Variants in EFS observed in about 807,000 individuals in gnomAD.
The protein encoded by EFS is Cas scaffolding protein family member 3.
A neutral mutation model predicts 42.2 loss-of-function variants in EFS; 34 were observed. The ratio of observed to expected loss-of-function variants is 0.81; its 90% CI spans 0.61 to 1.07. The LOEUF is 1.07. Among genes scored for constraint, EFS ranks in the 50% least tolerant of loss-of-function variants. The pLI is 0.00. For synonymous variants in EFS, 299 were observed against 320.7 expected, an observed-to-expected ratio of 0.93 and a Z score of 0.72; for missense variants, 717 against 729.4, an observed-to-expected ratio of 0.98 and a Z score of 0.20.
rs770687956 is a variant in EFS, at chr14:23,360,787, T to A, written c.65A>T (p.Gln22Leu). The change falls in exon 2 of 6, where the codon CAG becomes CTG. Residue 22 changes from glutamine (Q) to leucine (L), a missense_variant. Physicochemically the swap from Gln to Leu is moderately radical, Grantham distance 113. Coordinates refer to ENST00000216733, the MANE Select transcript of EFS (RefSeq NM_005864.4). The stretch of plus-strand genomic sequence containing the variant: ...ATCCCCTCGGCGGAAGGACAGCTCC[T>A]GGGGGGACTCAGCGGTGTTGTCATA... ...ALYDNTAESP[Q>L]ELSFRRGDVL... 2 of 1,613,698 alleles carry A rather than the reference T, an allele frequency of 1.2e-6. No homozygotes were observed. The highest frequency in any genetic ancestry group is 2.2e-5 in the South Asian group (2 of 91,044).
At chr14:23,364,574 C>T (rs1280983976) in intron 1 of EFS, among the ~76,000 whole-genome samples, 1 of 152,136 alleles carries the variant, frequency 6.6e-6, no homozygotes, top group Non-Finnish European at 1.5e-5. Flanking sequence ...CGAGATGGGC[C>T]TCCTGGGGTC....
At chr14:23,361,834 G>A (rs545664993) in intron 1 of EFS, among the ~76,000 whole-genome samples, 85 of 152,290 alleles carry the variant, frequency 5.6e-4, no homozygotes, top group African/African-American at 1.9e-3. Flanking sequence ...ACAACCTTAC[G>A]AGGGAGGGAC....
At chr14:23,363,071 G>A (rs1196259706) in intron 1 of EFS, among the ~76,000 whole-genome samples, 2 of 151,786 alleles carry the variant, frequency 1.3e-5, no homozygotes, top group Admixed American at 6.6e-5. Context: ...CCACCACCAC[G>A]CCCGGCTAAT....
At chr14:23,357,784 G>A (rs921209422) in intron 5 of EFS, 124 bp from the exon 6 acceptor site, 17 of 805,966 alleles carry the variant, frequency 2.1e-5, no homozygotes, top group African/African-American at 5.3e-5. Flanking sequence ...TCTGCCCATC[G>A]GAAAGTTTAG....
Position 23,365,094 on chromosome 14 carries a change from C to T in EFS, c.-69G>A. ...TTGCTGACTTCAGCGGTGGCTGCCC[C>T]GCACCATGGTCCGCGGCCTCTAGCC... On this transcript the variant is annotated 5_prime_UTR_variant, in exon 1 of 6. Coordinates refer to ENST00000216733, the MANE Select transcript of EFS (RefSeq NM_005864.4). The surrounding 1 kb of genome is among the most constrained non-coding windows in gnomAD (Gnocchi z 5.3). The T allele has an allele frequency of 8.0e-7, 1 of 1,251,194 alleles. No homozygotes were observed. Among genetic ancestry groups the T allele is most frequent in the South Asian group, 3.6e-5 (1 of 27,696 alleles). 77.5% of individuals were successfully genotyped at this position (1,251,194 alleles called of 1,614,324 possible).
rs780635865 is a variant in EFS, at chr14:23,357,510, GC to G, written c.1401del (p.Arg468AlafsTer33). The G allele has an allele frequency of 1.9e-6, 3 of 1,613,940 alleles. No homozygotes were observed. Among genetic ancestry groups the G allele is most frequent in the Non-Finnish European group, 2.5e-6 (3 of 1,179,970 alleles). ...LMSSTQANQP[P>X]RLFVPHSKRV... ...CTCTTGCTGTGGGGCACGAAAAGGC[GC>G]GGGGGCTGATTAGCCTGGGTACTGG... On this transcript the variant is annotated frameshift_variant, in exon 6 of 6. Transcript: ENST00000216733. LOFTEE classifies it high-confidence loss of function.
In EFS at chr14:23,357,604, C is replaced by G; in HGVS notation, c.1308G>C (p.Leu436=). 1 of 1,580,178 alleles carries G rather than the reference C, an allele frequency of 6.3e-7. No homozygotes were observed. The highest frequency in any genetic ancestry group is 8.6e-7 in the Non-Finnish European group (1 of 1,157,452). The change falls in exon 6 of 6, where the codon CTG becomes CTC. Residue 436 remains leucine, a synonymous_variant. Transcript: ENST00000216733. The part of the protein sequence containing the change: ...LVVSTGDLQL[L]YFYAGQCQSH... ...TCTGGCATTGCCCAGCATAGAAGTACAGGAGCTGCAGATCTCCGGTGGACA... is the reference window on the plus strand; with the variant it reads ...TCTGGCATTGCCCAGCATAGAAGTAGAGGAGCTGCAGATCTCCGGTGGACA...
intron 5 of EFS, among the ~76,000 whole-genome samples, chr14:23,358,622 C>T (rs1447228519): frequency 2.6e-5 from 4 of 152,160 alleles, no homozygotes; most frequent in Admixed American, 2.6e-4. Context: ...AAACTTTCTG[C>T]TCTCCTGGCT....
rs2231815 is a variant in EFS, at chr14:23,357,174, T to A, written c.*52A>T. On this transcript the variant is annotated 3_prime_UTR_variant, in exon 6 of 6. Coordinates refer to ENST00000216733, the MANE Select transcript of EFS (RefSeq NM_005864.4). ...CAAAGCCTTCCAGCCACCCAAGGCC[T>A]AAAGGGGGGCTTTGGCAGGCAGGGG... is the stretch of plus-strand genomic sequence containing the variant. The A allele has an allele frequency of 9.1e-4, 1,333 of 1,472,884 alleles. 16 individuals are homozygous for A. In the East Asian group the frequency reaches 0.025, roughly 28 times the overall value. The allele number at this position is 1,472,884 out of a possible 1,614,324, so 91.2% of individuals were successfully genotyped here. A position where few individuals can be genotyped will look rare whatever the true frequency, so the allele number is the denominator to read the frequency against.
In EFS at chr14:23,357,241, A is replaced by G; in HGVS notation, c.1671T>C (p.Thr557=). The G allele has an allele frequency of 1.3e-6, 2 of 1,552,772 alleles. No homozygotes were observed. The highest frequency in any genetic ancestry group is 1.8e-6 in the Non-Finnish European group (2 of 1,141,508). The part of the protein sequence containing the change: ...GQALQFTTLL[T]SLAP ...CAAAGGACCTTCATGGAGCCAGGCT[A>G]GTGAGCAGGGTAGTGAATTGCAGGG... The change falls in exon 6 of 6, where the codon ACT becomes ACC. Residue 557 remains threonine (T), a synonymous_variant. Coordinates refer to ENST00000216733, the MANE Select transcript of EFS (RefSeq NM_005864.4).
Position 23,359,552 on chromosome 14 carries a change from G to A in EFS, c.926C>T (p.Ala309Val), listed in dbSNP as rs1457892598. 5 of 1,510,574 alleles carry A rather than the reference G, an allele frequency of 3.3e-6. No individual in the cohort carries two copies. The highest frequency in any genetic ancestry group is 1.4e-5 in the African/African-American group (1 of 70,746). The allele number at this position is 1,510,574 out of a possible 1,614,324, so 93.6% of individuals were successfully genotyped here. ...GCTGGGGGCCTCAGGGACAGGCAGG[G>A]CAGGCAGAGGGCGGCGGGACAGGCT... Reference protein sequence around the residue: ...AESLSRRPLPALPVPEAPSPS... With the variant: ...AESLSRRPLPVLPVPEAPSPS... Residue 309 changes from alanine (A) to valine (V), a missense_variant, in exon 4 of 6, where the codon GCC (alanine) becomes GTC (valine). Transcript: ENST00000216733.
At chr14:23,361,853 C>T (rs1178004793) in intron 1 of EFS, among the ~76,000 whole-genome samples, 1 of 152,196 alleles carries the variant, frequency 6.6e-6, no homozygotes, top group Non-Finnish European at 1.5e-5. Context: ...ACTGTCATTA[C>T]CCCATTTTGG....
At chr14:23,362,675 G>A (rs887910417) in intron 1 of EFS, among the ~76,000 whole-genome samples, 12 of 152,160 alleles carry the variant, frequency 7.9e-5, no homozygotes, top group African/African-American at 1.2e-4. Context: ...TCTAGCCAGG[G>A]GATTAAAAGC....
At chr14:23,360,875 C>G in intron 1 of EFS, 42 bp from the exon 2 acceptor site, 2 of 1,562,530 alleles carry the variant, frequency 1.3e-6, no homozygotes, top group Non-Finnish European at 1.7e-6. Context: ...TCTTCAGACC[C>G]CTTTCAGGTC....
Position 23,357,163 on chromosome 14 carries a change from C to T in EFS, c.*63G>A. 1 of 1,439,062 alleles carries T rather than the reference C, an allele frequency of 6.9e-7. No homozygotes were observed. The highest frequency in any genetic ancestry group is 9.2e-7 in the Non-Finnish European group (1 of 1,081,578). 89.1% of individuals were successfully genotyped at this position (1,439,062 alleles called of 1,614,324 possible). A position where few individuals can be genotyped will look rare whatever the true frequency, so the allele number is the denominator to read the frequency against. On this transcript the variant is annotated 3_prime_UTR_variant, in exon 6 of 6. Coordinates refer to ENST00000216733, the MANE Select transcript of EFS (RefSeq NM_005864.4). ...TAGTCCCTTAACAAAGCCTTCCAGCCACCCAAGGCCTAAAGGGGGGCTTTG... is the reference window on the plus strand; with the variant it reads ...TAGTCCCTTAACAAAGCCTTCCAGCTACCCAAGGCCTAAAGGGGGGCTTTG...
chr14:23,357,554 G>C lies in EFS; in HGVS notation c.1358C>G (p.Ala453Gly). 7 of 1,612,058 alleles carry C rather than the reference G, an allele frequency of 4.3e-6. No homozygotes were observed. The South Asian group carries it at 7.7e-5, about 18-fold the overall frequency. Residue 453 changes from alanine (A) to glycine (G), a missense_variant, in exon 6 of 6, where the codon GCC becomes GGC. Physicochemically the swap from Ala to Gly is moderately conservative, Grantham distance 60 (BLOSUM62 0). Coordinates refer to ENST00000216733, the MANE Select transcript of EFS (RefSeq NM_005864.4). ...GGTACTGGACATCAGGGCTGCCACG[G>C]CTGCCTGCAGGGCTGAGTAGTGGCT... ...CQSHYSALQA[A>G]VAALMSSTQA...
chr14:23,360,230 C>G lies in EFS; in HGVS notation c.349G>C (p.Ala117Pro), dbSNP rs566123184. ...ARPCPTSGPP[A>P]GPCPPSPDLI... ...TCAGGAGAGGGTGGGCAAGGTCCAG[C>G]TGGAGGTCCTGAGGTTGGACAGGGC... Residue 117 changes from alanine (A) to proline (P), a missense_variant, in exon 3 of 6, where the codon GCT becomes CCT. Coordinates refer to ENST00000216733, the MANE Select transcript of EFS (RefSeq NM_005864.4). The G allele has an allele frequency of 1.2e-6, 2 of 1,614,028 alleles. No individual in the cohort carries two copies. Among genetic ancestry groups the G allele is most frequent in the African/African-American group, 2.7e-5 (2 of 75,018 alleles).
In EFS at chr14:23,360,021, T is replaced by TG. The variant is rs763755083; in HGVS notation, c.456dup (p.Thr153HisfsTer12). On this transcript the variant is annotated frameshift_variant, in exon 4 of 6. Coordinates refer to ENST00000216733, the MANE Select transcript of EFS (RefSeq NM_005864.4). LOFTEE classifies it high-confidence loss of function. ...CCACTGGAGGGCACCCGGAGGGCGGTGGGGGGCACATCGTAGACCTGCGGA... is the reference window on the plus strand; with the variant it reads ...CCACTGGAGGGCACCCGGAGGGCGGTGGGGGGGCACATCGTAGACCTGCGGA... 3 of 1,609,650 alleles carry TG rather than the reference T, an allele frequency of 1.9e-6. No homozygotes were observed. Among genetic ancestry groups the TG allele is most frequent in the Admixed American group, 1.7e-5 (1 of 59,622 alleles).
chr14:23,360,591 T>G lies in EFS; in HGVS notation c.261A>C (p.Pro87=). 6.4e-7 allele frequency: 1 copy of G among 1,573,858 alleles called. No individual in the cohort carries two copies. Among genetic ancestry groups the G allele is most frequent in the South Asian group, 1.2e-5 (1 of 84,544 alleles). ...SPASPAQPGS[P]YPAPDHSNED... is the part of the protein sequence containing the mutation. Reference sequence around the variant, plus strand: ...CATTGCTGTGATCTGGGGCTGGATATGGTGAGCCAGGCTGGGCTGGGGACG... The same window carrying G: ...CATTGCTGTGATCTGGGGCTGGATAGGGTGAGCCAGGCTGGGCTGGGGACG... Residue 87 remains proline (P), a synonymous_variant, in exon 2 of 6, where the codon CCA becomes CCC. Coordinates refer to ENST00000216733, the MANE Select transcript of EFS (RefSeq NM_005864.4).
Sources: allele counts gnomAD v4.1 joint callset (sites outside exome capture counted in the v4.1 genomes callset), GRCh38; gene constraint gnomAD v4.1.1; non-coding constraint Gnocchi (gnomAD v3.1); transcripts MANE v1.5; gene names NCBI Gene and HGNC (gene_info 2026-07-23, HGNC 2026-07-21).